The following SEPTIN14 variants were observed in gnomAD, a reference collection of about 807,000 sequenced individuals.
SEPTIN14 encodes septin-14.
Under a neutral mutation model 53.6 loss-of-function variants are expected in SEPTIN14, and 40 were observed. The ratio of observed to expected loss-of-function variants is 0.75; its 90% CI spans 0.58 to 0.97. The LOEUF (loss-of-function observed/expected upper bound fraction) is 0.97, where lower values mean the gene tolerates loss of function less well. Ranked by LOEUF, SEPTIN14 falls within the 50% of genes least tolerant of loss-of-function variation. The probability of loss-of-function intolerance (pLI) is 0.00; values close to 1 mark genes in which losing one functional copy is unlikely to be tolerated. For missense variants in SEPTIN14, 471 were observed against 508.2 expected (o/e 0.93, Z 0.70); for synonymous variants, 138 against 166.8 (o/e 0.83, Z 1.33).
chr7:55,814,689 T>C (rs1442301329), intron 7 of SEPTIN14, among the ~76,000 whole-genome samples: 1 of 152,188 alleles, frequency 6.6e-6, no homozygotes, highest in African/African-American at 2.4e-5. Context: ...TGTTCATGGA[T>C]TGGAAGAATC....
intron 6 of SEPTIN14, among the ~76,000 whole-genome samples, chr7:55,825,068 A>G (rs938412495): frequency 2.1e-4 from 32 of 152,220 alleles, no homozygotes; most frequent in African/African-American, 6.3e-4. Context: ...AACTTTACTC[A>G]TAATTGCTAA....
intron 7 of SEPTIN14, among the ~76,000 whole-genome samples, chr7:55,814,924 G>C (rs1788766792): frequency 6.6e-6 from 1 of 152,120 alleles, no homozygotes; most frequent in Non-Finnish European, 1.5e-5. Flanking sequence ...GAAACAGCAT[G>C]GTACCGGCAT....
rs1348768652 is a variant in SEPTIN14, at chr7:55,795,681, T to G, written c.*232A>C. ...CAGGGTTTCATCATTTTGGTCAGGC[T>G]GGTTTTGAACTCCTGACCTCAGGTG... On this transcript the variant is annotated 3_prime_UTR_variant, in exon 10 of 10. Transcript: ENST00000388975. 2.0e-6 allele frequency: 1 copy of G among 491,858 alleles called. No individual in the cohort carries two copies. Among genetic ancestry groups the G allele is most frequent in the Admixed American group, 3.6e-5 (1 of 27,446 alleles). 30.5% of individuals were successfully genotyped at this position (491,858 alleles called of 1,614,324 possible). A position where few individuals can be genotyped will look rare whatever the true frequency, so the allele number is the denominator to read the frequency against.
intron 7 of SEPTIN14, among the ~76,000 whole-genome samples, chr7:55,816,475 C>A (rs1788792701): frequency 6.6e-6 from 1 of 151,938 alleles, no homozygotes; most frequent in Admixed American, 6.6e-5. Context: ...AATATACACA[C>A]CTACTAGGTA....
intron 5 of SEPTIN14, among the ~76,000 whole-genome samples, chr7:55,836,452 G>A (rs945290733): frequency 6.6e-5 from 10 of 152,032 alleles, no homozygotes; most frequent in Admixed American, 3.3e-4. Context: ...AAAAATCCAT[G>A]GACAGACCGG....
intron 6 of SEPTIN14, among the ~76,000 whole-genome samples, chr7:55,829,283 G>A (rs1434458327): frequency 6.6e-6 from 1 of 151,604 alleles, no homozygotes; most frequent in Non-Finnish European, 1.5e-5. Context: ...GGAGGCTGAG[G>A]CATGAGAATT....
In SEPTIN14 at chr7:55,794,947, G is replaced by A. The variant is rs577510557; in HGVS notation, c.*966C>T. 11 of 151,904 alleles carry A rather than the reference G, an allele frequency of 7.2e-5. No individual in the cohort carries two copies. Among genetic ancestry groups the A allele is most frequent in the Non-Finnish European group, 1.2e-4 (8 of 67,986 alleles). The allele number at this position is 151,904 out of a possible 1,614,324, so 9.4% of individuals were successfully genotyped here. ...ATTACAGGTGTGAGCCACCACACCT[G>A]GCCTTATTTTCTACAACTTTGATAA... is the stretch of plus-strand genomic sequence containing the variant. On this transcript the variant is annotated 3_prime_UTR_variant, in exon 10 of 10. Transcript: ENST00000388975.
intron 2 of SEPTIN14, among the ~76,000 whole-genome samples, chr7:55,861,334 C>A (rs1019300026): frequency 4.0e-5 from 6 of 151,760 alleles, no homozygotes; most frequent in Non-Finnish European, 5.9e-5. Context: ...CCTGTTTCTA[C>A]TAAAAAAAAA....
intron 7 of SEPTIN14, chr7:55,810,827 G>T: frequency 3.4e-6 from 1 of 292,416 alleles, no homozygotes; most frequent in South Asian, 3.3e-5. Context: ...ACAGACCAGG[G>T]ATCATGAAGA....
Position 55,842,923 on chromosome 7 carries a change from G to A in SEPTIN14, c.558+19C>T, listed in dbSNP as rs775821777. 2.5e-5 allele frequency: 36 copies of A among 1,449,804 alleles called. No homozygotes were observed. The highest frequency in any genetic ancestry group is 3.1e-5 in the Non-Finnish European group (34 of 1,089,602). The allele number at this position is 1,449,804 out of a possible 1,614,324, so 89.8% of individuals were successfully genotyped here. A position where few individuals can be genotyped will look rare whatever the true frequency, so the allele number is the denominator to read the frequency against. ...ACTCCGTCTCAAAAAAAAAAAGATG[G>A]TAGATTTACCAAACATACCTTACTG... On this transcript the variant is annotated intron_variant, in intron 5 of 9. Coordinates refer to ENST00000388975, the MANE Select transcript of SEPTIN14 (RefSeq NM_207366.3).
At chr7:55,829,136 T>C (rs1464268914) in intron 6 of SEPTIN14, among the ~76,000 whole-genome samples, 2 of 151,932 alleles carry the variant, frequency 1.3e-5, no homozygotes, top group East Asian at 3.9e-4. Context: ...CCTAGCACTT[T>C]GGGAGGCCAA....
intron 7 of SEPTIN14, among the ~76,000 whole-genome samples, chr7:55,817,296 T>G (rs1194621250): frequency 1.3e-5 from 2 of 152,074 alleles, no homozygotes; most frequent in Non-Finnish European, 2.9e-5. Context: ...GATCAAATTT[T>G]TAAAAGTTAA....
chr7:55,815,986 G>A (rs570124312), intron 7 of SEPTIN14, among the ~76,000 whole-genome samples: 1 of 152,214 alleles, frequency 6.6e-6, no homozygotes, highest in Admixed American at 6.5e-5. Flanking sequence ...AGTAAATGTG[G>A]TACATATACA....
At chr7:55,852,648 G>A (rs1296895495) in intron 2 of SEPTIN14, among the ~76,000 whole-genome samples, 1 of 152,048 alleles carries the variant, frequency 6.6e-6, no homozygotes, top group Non-Finnish European at 1.5e-5. Flanking sequence ...CTTGGATAAT[G>A]CCCCACAAGC....
chr7:55,828,243 AC>A (rs546320558), intron 6 of SEPTIN14, among the ~76,000 whole-genome samples: 97 of 152,156 alleles, frequency 6.4e-4, no homozygotes, highest in Non-Finnish European at 8.5e-4. Flanking sequence ...TAAAAAAAAA[AC>A]AATTGAATTT....
At chr7:55,841,928 G>C (rs1789319862) in intron 5 of SEPTIN14, among the ~76,000 whole-genome samples, 1 of 151,720 alleles carries the variant, frequency 6.6e-6, no homozygotes, top group Admixed American at 6.6e-5. Context: ...CCAGCTACTT[G>C]GGAGGCTGAG....
intron 7 of SEPTIN14, among the ~76,000 whole-genome samples, chr7:55,808,955 C>A (rs192565442): frequency 6.6e-6 from 1 of 152,302 alleles, no homozygotes; most frequent in East Asian, 1.9e-4. Context: ...CATAAAGACA[C>A]AGGCACGTGT....
intron 6 of SEPTIN14, among the ~76,000 whole-genome samples, chr7:55,833,032 C>A (rs1789137373): frequency 6.6e-6 from 1 of 152,056 alleles, no homozygotes; most frequent in Non-Finnish European, 1.5e-5. Context: ...AAAAAAAGAT[C>A]TCGCCTGTGT....
intron 3 of SEPTIN14, among the ~76,000 whole-genome samples, chr7:55,846,039 A>T (rs1402897085): frequency 2.1e-4 from 29 of 137,334 alleles, no homozygotes; most frequent in African/African-American, 7.4e-4. Flanking sequence ...ACAGAGCAAG[A>T]CTCCGTCTCA....
Sources: allele counts gnomAD v4.1 joint callset (sites outside exome capture counted in the v4.1 genomes callset), GRCh38; gene constraint gnomAD v4.1.1; transcripts MANE v1.5; gene names NCBI Gene and HGNC (gene_info 2026-07-23, HGNC 2026-07-21).